SMARCA4: variants seen among roughly 807,000 people sequenced by gnomAD.
The protein encoded by SMARCA4 is SWI/SNF-related matrix-associated actin-dependent regulator of chromatin subfamily A member 4.
Under a neutral mutation model 193.9 loss-of-function variants are expected in SMARCA4, and 31 were observed. The observed-to-expected ratio is 0.16, with a 90% CI of 0.12 to 0.22. The LOEUF (loss-of-function observed/expected upper bound fraction) is 0.22, where lower values mean the gene tolerates loss of function less well. Among genes scored for constraint, SMARCA4 ranks in the 10% least tolerant of loss-of-function variants. The probability of loss-of-function intolerance (pLI) is 1.00; values close to 1 mark genes in which losing one functional copy is unlikely to be tolerated. For synonymous variants in SMARCA4, 942 were observed against 933.1 expected (o/e 1.01, Z -0.17); for missense variants, 1,148 against 2,296.0 (o/e 0.50, Z 10.22).
Position 11,058,733 on chromosome 19 carries a change from G to A in SMARCA4, c.4534-55G>A, listed in dbSNP as rs549010342. On this transcript the variant is annotated intron_variant, in intron 31 of 34. Coordinates refer to ENST00000344626, the MANE Select transcript of SMARCA4 (RefSeq NM_003072.5). This position sits in a 1 kb window ranked among gnomAD's most constrained non-coding sequence, Gnocchi z 5.8. ...GGGTCTCCAGCACACAGCCAGGCCT[G>A]CGGGCAGGCGAGGCGGGGTCCTGAG... 29 of 1,471,676 alleles carry A rather than the reference G, an allele frequency of 2.0e-5. No individual in the cohort carries two copies. Among genetic ancestry groups the A allele is most frequent in the South Asian group, 1.5e-4 (13 of 88,122 alleles). The allele number at this position is 1,471,676 out of a possible 1,614,324, so 91.2% of individuals were successfully genotyped here.
intron 29 of SMARCA4, among the ~76,000 whole-genome samples, chr19:11,038,766 A>AT (rs1233602149): frequency 2.0e-5 from 3 of 152,028 alleles, no homozygotes; most frequent in East Asian, 1.9e-4. Context: ...CCCCGGCTGC[A>AT]TTTTTTACCA....
intron 11 of SMARCA4, among the ~76,000 whole-genome samples, chr19:10,999,599 A>C (rs1405617893): frequency 6.6e-6 from 1 of 152,068 alleles, no homozygotes; most frequent in African/African-American, 2.4e-5. Flanking sequence ...TTGAGGCTAT[A>C]GTGAGCTGTA....
rs187211314 is a variant in SMARCA4, at chr19:10,985,185, C to T, written c.223-88C>T. Reference sequence around the variant, plus strand: ...CATCTTCGGGTGGCTGTTCTCGGTGCCCTCGAGCTTCTCTCGGGCAGCGCA... The same window carrying T: ...CATCTTCGGGTGGCTGTTCTCGGTGTCCTCGAGCTTCTCTCGGGCAGCGCA... On this transcript the variant is annotated intron_variant, in intron 2 of 34. Transcript: ENST00000344626. The surrounding 1 kb of genome is among the most constrained non-coding windows in gnomAD (Gnocchi z 4.5). 7.1e-7 allele frequency: 1 copy of T among 1,418,292 alleles called. No individual in the cohort carries two copies. Among genetic ancestry groups the T allele is most frequent in the Non-Finnish European group, 9.9e-7 (1 of 1,006,092 alleles). The allele number at this position is 1,418,292 out of a possible 1,614,324, so 87.9% of individuals were successfully genotyped here. A position where few individuals can be genotyped will look rare whatever the true frequency, so the allele number is the denominator to read the frequency against.
rs2087841029 is a variant in SMARCA4, at chr19:11,003,324, C to G, written c.1944-16C>G. 2 of 1,613,130 alleles carry G rather than the reference C, an allele frequency of 1.2e-6. No homozygotes were observed. The highest frequency in any genetic ancestry group is 1.7e-6 in the Non-Finnish European group (2 of 1,179,096). ...CTCTGAGCAGATTTGTATGAAAGCC[C>G]TTACATTTTTTCTAGGTATGAAGTA... On this transcript the variant is annotated splice_polypyrimidine_tract_variant and intron_variant, in intron 12 of 34. Coordinates refer to ENST00000344626, the MANE Select transcript of SMARCA4 (RefSeq NM_003072.5).
intron 25 of SMARCA4, chr19:11,032,965 GGGGAGCT>G: frequency 2.3e-6 from 1 of 436,584 alleles, no homozygotes; most frequent in Non-Finnish European, 4.3e-6. Flanking sequence ...TCCACGCTGT[GGGGAGCT>G]GTGCCGCTGC....
At chr19:11,004,205 C>T (rs984396583) in intron 13 of SMARCA4, among the ~76,000 whole-genome samples, 1 of 150,628 alleles carries the variant, frequency 6.6e-6, no homozygotes, top group African/African-American at 2.4e-5. Flanking sequence ...TTAGTAGAGA[C>T]AGGGTTACAC....
Position 10,996,275 on chromosome 19 carries a change from C to T in SMARCA4, c.1656C>T (p.Tyr552=), listed in dbSNP as rs1055237124. 1 of 1,614,228 alleles carries T rather than the reference C, an allele frequency of 6.2e-7. No individual in the cohort carries two copies. Residue 552 remains tyrosine, a synonymous_variant, in exon 10 of 35, where the codon TAC becomes TAT. Transcript: ENST00000344626. ...AGAAGAAGGACAAGCGCCTGGCCTA[C>T]CTCTTGCAGCAGACAGACGAGTACG... is the stretch of plus-strand genomic sequence containing the variant. ...IDQKKDKRLA[Y]LLQQTDEYVA...
intron 8 of SMARCA4, among the ~76,000 whole-genome samples, chr19:10,993,209 C>G (rs2086711383): frequency 6.6e-6 from 1 of 151,598 alleles, no homozygotes; most frequent in Non-Finnish European, 1.5e-5. Flanking sequence ...TGGTCTTGAA[C>G]TCCTGACCTC....
In SMARCA4 at chr19:11,034,269, G is replaced by A. The variant is rs974922492; in HGVS notation, c.3951+69G>A. 2.1e-5 allele frequency: 25 copies of A among 1,216,692 alleles called. No homozygotes were observed. Among genetic ancestry groups the A allele is most frequent in the African/African-American group, 3.0e-5 (2 of 67,190 alleles). The allele number at this position is 1,216,692 out of a possible 1,614,324, so 75.4% of individuals were successfully genotyped here. A position where few individuals can be genotyped will look rare whatever the true frequency, so the allele number is the denominator to read the frequency against. On this transcript the variant is annotated intron_variant, in intron 28 of 34. Transcript: ENST00000344626. The surrounding 1 kb of genome is among the most constrained non-coding windows in gnomAD (Gnocchi z 7.0). ...TGCTGCCACCAGGAGCAAAGCAGACGTCCTAGTGCCCATGGTGGTATCCCT... is the reference window on the plus strand; with the variant it reads ...TGCTGCCACCAGGAGCAAAGCAGACATCCTAGTGCCCATGGTGGTATCCCT...
intron 11 of SMARCA4, among the ~76,000 whole-genome samples, chr19:11,001,053 A>G (rs2087585844): frequency 2.0e-5 from 3 of 151,678 alleles, no homozygotes. Context: ...GGAGCTCTCT[A>G]TTATTATTAC....
At position 11,010,469 on chromosome 19, in the gene SMARCA4, G is replaced by A. The variant is rs370273427; in HGVS notation, c.2212G>A (p.Val738Ile). ...LQSYYAVAHA[V>I]TERVDKQSAL... ...GTCCTACTATGCCGTGGCCCATGCT[G>A]TCACTGAGAGAGTGGACAAGCAGTC... Residue 738 changes from valine to isoleucine, a missense_variant, in exon 15 of 35, where the codon GTC becomes ATC. Coordinates refer to ENST00000344626, the MANE Select transcript of SMARCA4 (RefSeq NM_003072.5). 1 of 1,614,024 alleles carries A rather than the reference G, an allele frequency of 6.2e-7. No homozygotes were observed. Among genetic ancestry groups the A allele is most frequent in the Non-Finnish European group, 8.5e-7 (1 of 1,180,000 alleles).
intron 30 of SMARCA4, among the ~76,000 whole-genome samples, chr19:11,054,719 G>C (rs2076446113): frequency 1.3e-5 from 2 of 152,192 alleles, no homozygotes; most frequent in Admixed American, 1.3e-4. Context: ...AACCCTGGAG[G>C]CAGAGGTTGC....
intron 1 of SMARCA4, chr19:10,983,619 G>C (rs762072124): frequency 4.2e-4 from 69 of 165,956 alleles, no homozygotes; most frequent in South Asian, 2.2e-3. Flanking sequence ...ATTTTTAGTA[G>C]AGATGGGGTT....
At chr19:10,989,589 C>A in intron 7 of SMARCA4, 146 bp downstream of exon 7, 1 of 879,140 alleles carries the variant, frequency 1.1e-6, no homozygotes, top group Non-Finnish European at 1.8e-6. Context: ...CACTCAATCA[C>A]TGCAGAGCCT....
intron 18 of SMARCA4, chr19:11,021,501 T>G (rs587777971): frequency 7.4e-6 from 5 of 676,908 alleles, no homozygotes; most frequent in Middle Eastern, 2.3e-4. Flanking sequence ...CCAATAGTCA[T>G]GGGGTCACGG....
At chr19:10,989,846 C>T (rs372245713) in intron 7 of SMARCA4, among the ~76,000 whole-genome samples, 6 of 152,118 alleles carry the variant, frequency 3.9e-5, no homozygotes, top group African/African-American at 7.2e-5. Context: ...GGATTACAAG[C>T]GTGTGCCACC....
chr19:11,061,204 A>AAAAAAAAAAT (rs1555797070), intron 34 of SMARCA4, among the ~76,000 whole-genome samples: 4 of 45,216 alleles, frequency 8.8e-5, no homozygotes, highest in African/African-American at 4.5e-4. Flanking sequence ...AAAAAAAAAA[A>AAAAAAAAAAT]ATATATATAT....
chr19:10,981,165 C>T (rs991350349), intron 1 of SMARCA4, among the ~76,000 whole-genome samples: 24 of 152,226 alleles, frequency 1.6e-4, no homozygotes, highest in Non-Finnish European at 3.1e-4. Context: ...GTCCCTTTTC[C>T]TACCTCATTG....
Position 10,984,359 on chromosome 19 carries a change from C to G in SMARCA4, c.208C>G (p.His70Asp), listed in dbSNP as rs1266506498. The change falls in exon 2 of 35, where the codon CAC becomes GAC. Residue 70 changes from histidine (H) to aspartate (D), a missense_variant. This residue lies in a region of SMARCA4 where 201 missense variants were observed against 248.3 expected (regional missense o/e 0.81). Transcript: ENST00000344626. This position sits in a 1 kb window ranked among gnomAD's most constrained non-coding sequence, Gnocchi z 4.3. ...TGGAGGGTACCCTCAGGACAACATG[C>G]ACCAGATGCACAAGGTAGGGATCCC... ...GPGGYPQDNM[H>D]QMHKPMESMH... is the part of the protein sequence containing the mutation. The G allele has an allele frequency of 1.3e-6, 2 of 1,589,528 alleles. No homozygotes were observed. The highest frequency in any genetic ancestry group is 1.8e-5 in the Admixed American group (1 of 57,084).
Sources: allele counts gnomAD v4.1 joint callset (sites outside exome capture counted in the v4.1 genomes callset), GRCh38; gene constraint gnomAD v4.1.1; regional missense constraint gnomAD v4.1.1; non-coding constraint Gnocchi (gnomAD v3.1); transcripts MANE v1.5; gene names NCBI Gene and HGNC (gene_info 2026-07-23, HGNC 2026-07-21).